The following PIEZO2 variants were observed in gnomAD, a reference collection of about 807,000 sequenced individuals.
The protein encoded by PIEZO2 is piezo-type mechanosensitive ion channel component 2.
A neutral mutation model predicts 337.3 loss-of-function variants in PIEZO2; 172 were observed. The observed-to-expected ratio is 0.51, with a 90% CI of 0.45 to 0.58. The LOEUF is 0.58. Among genes scored for constraint, PIEZO2 ranks in the 20% least tolerant of loss-of-function variants. The pLI, the probability that PIEZO2 is intolerant of heterozygous loss-of-function variation, is 0.00. For synonymous variants in PIEZO2, 1,251 were observed against 1,228.5 expected (o/e 1.02, Z -0.38); for missense variants, 3,028 against 3,391.3 (o/e 0.89, Z 2.66).
In PIEZO2 at chr18:11,003,194, A is replaced by G. The variant is rs534653644; in HGVS notation, c.161-23534T>C. ...GGACGTGTGTGGTATTAACTGTAGC[A>G]CTAAGATAAGTTTCCATGTAAAACA... On this transcript the variant is annotated intron_variant, in intron 2 of 55. Coordinates refer to ENST00000674853, the MANE Select transcript of PIEZO2 (RefSeq NM_001378183.1). This position sits in a 1 kb window ranked among gnomAD's most constrained non-coding sequence, Gnocchi z 4.6. Among the ~76,000 whole-genome samples the G allele has an allele frequency of 4.6e-5, 7 of 152,336 alleles. No individual in the cohort carries two copies. Among genetic ancestry groups the G allele is most frequent in the African/African-American group, 1.7e-4 (7 of 41,574 alleles).
intron 15 of PIEZO2, 66 bp downstream of exon 15, chr18:10,789,013 G>A (rs967983923): frequency 6.9e-7 from 1 of 1,440,950 alleles, no homozygotes; most frequent in East Asian, 2.5e-5. Context: ...TAAAATCTCT[G>A]CAGAGGTAGC....
At chr18:10,881,262 T>C (rs1031952165) in intron 4 of PIEZO2, among the ~76,000 whole-genome samples, 1 of 152,202 alleles carries the variant, frequency 6.6e-6, no homozygotes, top group African/African-American at 2.4e-5. Flanking sequence ...GTATTTTACA[T>C]TGGTGGCCGG....
chr18:11,112,617 T>G lies in PIEZO2; in HGVS notation c.64+35908A>C, dbSNP rs1454730838. Among the ~76,000 whole-genome samples the G allele has an allele frequency of 6.6e-6, 1 of 152,208 alleles. No individual in the cohort carries two copies. Among genetic ancestry groups the G allele is most frequent in the African/African-American group, 2.4e-5 (1 of 41,470 alleles). On this transcript the variant is annotated intron_variant, in intron 1 of 55. Coordinates refer to ENST00000674853, the MANE Select transcript of PIEZO2 (RefSeq NM_001378183.1). This position sits in a 1 kb window ranked among gnomAD's most constrained non-coding sequence, Gnocchi z 4.3. ...ACTAGTCAGAGGCTCACCAGGGTTG[T>G]AAAGAAGACTTACACACTTAGTCGT...
chr18:10,839,196 T>C (rs2041113337), intron 7 of PIEZO2, among the ~76,000 whole-genome samples: 1 of 152,230 alleles, frequency 6.6e-6, no homozygotes, highest in Non-Finnish European at 1.5e-5. Context: ...AGTCCCAGTC[T>C]GCTGGCCTCA....
At chr18:10,831,697 A>G (rs925714557) in intron 7 of PIEZO2, among the ~76,000 whole-genome samples, 1 of 152,318 alleles carries the variant, frequency 6.6e-6, no homozygotes, top group Middle Eastern at 3.4e-3. Context: ...GGTGATGGAT[A>G]CCCATTTAAC....
chr18:10,817,593 T>C (rs2040398859), intron 7 of PIEZO2, among the ~76,000 whole-genome samples: 1 of 152,168 alleles, frequency 6.6e-6, no homozygotes, highest in Non-Finnish European at 1.5e-5. Flanking sequence ...TGTTTCATGT[T>C]TTAAGATTGA....
chr18:11,067,661 T>C (rs1262221990), intron 1 of PIEZO2, among the ~76,000 whole-genome samples: 1 of 152,190 alleles, frequency 6.6e-6, no homozygotes, highest in African/African-American at 2.4e-5. Flanking sequence ...GAGGGAACAA[T>C]TGTAATGGTT....
intron 2 of PIEZO2, among the ~76,000 whole-genome samples, chr18:11,000,503 G>A (rs1392355373): frequency 6.6e-6 from 1 of 152,176 alleles, no homozygotes. Context: ...GGGAAGGATA[G>A]TTCAGGGACA....
chr18:10,811,927 G>A (rs1386280766), intron 7 of PIEZO2, among the ~76,000 whole-genome samples: 1 of 152,138 alleles, frequency 6.6e-6, no homozygotes, highest in Non-Finnish European at 1.5e-5. Flanking sequence ...TCCGCCTCCC[G>A]GGTTCACACC....
At chr18:10,951,782 G>GA (rs1399913115) in intron 3 of PIEZO2, among the ~76,000 whole-genome samples, 1 of 152,112 alleles carries the variant, frequency 6.6e-6, no homozygotes, top group African/African-American at 2.4e-5. Flanking sequence ...CCTTGATTCT[G>GA]AATTCCCCAA....
intron 2 of PIEZO2, among the ~76,000 whole-genome samples, chr18:10,994,302 A>G (rs9955169): frequency 0.51 from 77,265 of 151,986 alleles, 19,909 homozygotes; most frequent in African/African-American, 0.57. Context: ...AAACATGCAT[A>G]TGCAAGTATC....
Position 10,691,782 on chromosome 18 carries a change from C to CACACACACACACATATATATAT in PIEZO2, c.7191-400_7191-399insATATATATATGTGTGTGTGTGT. ...AAATATATATAAACACACACACACA[C>CACACACACACACATATATATAT]ATATATATATATATATATAGAGAGA... On this transcript the variant is annotated intron_variant, in intron 47 of 55. Transcript: ENST00000674853. Among the ~76,000 whole-genome samples, 12 of 96,644 alleles carry CACACACACACACATATATATAT rather than the reference C, an allele frequency of 1.2e-4. 3 individuals carry two copies. Among genetic ancestry groups the CACACACACACACATATATATAT allele is most frequent in the Admixed American group, 8.0e-4 (7 of 8,748 alleles). 63.4% of individuals were successfully genotyped at this position (96,644 alleles called of 152,430 possible).
At chr18:10,698,894 T>C (rs1207713051) in intron 44 of PIEZO2, 31 bp downstream of exon 44, 16 of 1,534,484 alleles carry the variant, frequency 1.0e-5, no homozygotes, top group Non-Finnish European at 1.2e-5. Context: ...GGGAGCTAAC[T>C]ACAGCCTAGA....
At chr18:10,975,533 C>T (rs956424172) in intron 3 of PIEZO2, among the ~76,000 whole-genome samples, 2 of 151,894 alleles carry the variant, frequency 1.3e-5, no homozygotes, top group African/African-American at 4.8e-5. Context: ...CACAACGGCA[C>T]CTTTAACAGA....
At chr18:11,054,667 CA>C (rs1171985515) in intron 2 of PIEZO2, among the ~76,000 whole-genome samples, 1 of 152,218 alleles carries the variant, frequency 6.6e-6, no homozygotes, top group East Asian at 1.9e-4. Flanking sequence ...GGCTTCCTGC[CA>C]AACACTCCCT....
intron 1 of PIEZO2, among the ~76,000 whole-genome samples, chr18:11,074,718 G>C (rs1373134956): frequency 6.6e-6 from 1 of 152,108 alleles, no homozygotes; most frequent in Non-Finnish European, 1.5e-5. Flanking sequence ...ATAGAAAGGG[G>C]GAAAATCTCT....
intron 2 of PIEZO2, among the ~76,000 whole-genome samples, chr18:11,064,689 A>C (rs2038094579): frequency 6.6e-6 from 1 of 152,160 alleles, no homozygotes; most frequent in Non-Finnish European, 1.5e-5. Flanking sequence ...GTTGTCACAG[A>C]AGTATGTAGG....
At chr18:10,836,940 T>C (rs969833018) in intron 7 of PIEZO2, among the ~76,000 whole-genome samples, 1 of 152,224 alleles carries the variant, frequency 6.6e-6, no homozygotes, top group South Asian at 2.1e-4. Context: ...AAAATGTATT[T>C]ATTTCATCTT....
chr18:11,088,254 T>A (rs1413680205), intron 1 of PIEZO2, among the ~76,000 whole-genome samples: 1 of 152,148 alleles, frequency 6.6e-6, no homozygotes, highest in Admixed American at 6.5e-5. Flanking sequence ...TTACCAAGTC[T>A]CAGTAAGCAG....
Sources: allele counts gnomAD v4.1 joint callset (sites outside exome capture counted in the v4.1 genomes callset), GRCh38; gene constraint gnomAD v4.1.1; non-coding constraint Gnocchi (gnomAD v3.1); transcripts MANE v1.5; gene names NCBI Gene and HGNC (gene_info 2026-07-23, HGNC 2026-07-21).